The following PTPRT variants were observed in gnomAD, a reference collection of about 807,000 sequenced individuals.
The protein encoded by PTPRT is receptor-type tyrosine-protein phosphatase T.
A neutral mutation model predicts 176.8 loss-of-function variants in PTPRT; 56 were observed. The observed-to-expected ratio is 0.32, with a 90% CI of 0.26 to 0.40. The LOEUF (loss-of-function observed/expected upper bound fraction) is 0.40. Ranked by LOEUF, PTPRT falls within the 10% of genes least tolerant of loss-of-function variation. PTPRT has a pLI of 1.00. For missense variants in PTPRT, 1,540 were observed against 1,908.2 expected, an observed-to-expected ratio of 0.81 and a Z score of 3.60; for synonymous variants, 783 against 739.0, an observed-to-expected ratio of 1.06 and a Z score of -0.96.
At chr20:42,272,059 G>C (rs904440873) in intron 13 of PTPRT, among the ~76,000 whole-genome samples, 1 of 152,110 alleles carries the variant, frequency 6.6e-6, no homozygotes, top group East Asian at 1.9e-4. Context: ...ACTATGACTT[G>C]TAGGCCAAAT....
chr20:42,370,819 T>A (rs2058577001), intron 9 of PTPRT, among the ~76,000 whole-genome samples: 1 of 152,106 alleles, frequency 6.6e-6, no homozygotes, highest in Non-Finnish European at 1.5e-5. Flanking sequence ...TCACACATGG[T>A]CTTGCCCTGG....
At chr20:43,114,495 T>A (rs149933078) in intron 1 of PTPRT, among the ~76,000 whole-genome samples, 2 of 152,350 alleles carry the variant, frequency 1.3e-5, no homozygotes, top group East Asian at 1.9e-4. Context: ...CCTGGAATAA[T>A]GCAGCACCTA....
chr20:42,138,326 C>A (rs973650058), intron 18 of PTPRT, among the ~76,000 whole-genome samples: 54 of 152,314 alleles, frequency 3.5e-4, no homozygotes, highest in African/African-American at 1.3e-3. Flanking sequence ...TCCTCCAGCA[C>A]CCCTTGGTGG....
chr20:42,839,362 G>GA (rs1334284334), intron 2 of PTPRT, among the ~76,000 whole-genome samples: 2 of 150,160 alleles, frequency 1.3e-5, no homozygotes, highest in African/African-American at 2.4e-5. Context: ...AGGCAAATTG[G>GA]AAAAAAAGAA....
chr20:42,370,316 C>T (rs1369591613), intron 9 of PTPRT, among the ~76,000 whole-genome samples: 5 of 152,190 alleles, frequency 3.3e-5, no homozygotes, highest in Non-Finnish European at 7.3e-5. Context: ...CGGCCAGCGA[C>T]AGGAGTCAGT....
chr20:42,055,271 T>A, the PTPRT span, among the ~76,000 whole-genome samples: 1 of 152,254 alleles, frequency 6.6e-6, no homozygotes, highest in Non-Finnish European at 1.5e-5. Flanking sequence ...CCCCAGTTTT[T>A]GTGATACGTT....
At chr20:42,642,818 G>C (rs185910238) in intron 7 of PTPRT, among the ~76,000 whole-genome samples, 2 of 152,272 alleles carry the variant, frequency 1.3e-5, no homozygotes, top group Admixed American at 1.3e-4. Flanking sequence ...TACATTTAGT[G>C]CTCTCCTTGG....
intron 7 of PTPRT, among the ~76,000 whole-genome samples, chr20:42,641,974 C>G (rs1022327634): frequency 1.4e-4 from 22 of 152,166 alleles, no homozygotes; most frequent in African/African-American, 5.3e-4. Context: ...TAACATGGAG[C>G]TGAGATGGGA....
In PTPRT at chr20:42,700,735, ACCAT is replaced by A. The variant is rs1398352808; in HGVS notation, c.860-22580_860-22577del. ...CTTTCTGTGTGGCCTGGGATAAGTC[ACCAT>A]CCCTCTCTGGCTCTCAGAACCCTCA... is the stretch of plus-strand genomic sequence containing the variant. On this transcript the variant is annotated intron_variant, in intron 6 of 30. Transcript: ENST00000373187. Among the ~76,000 whole-genome samples the A allele has an allele frequency of 2.0e-5, 3 of 152,206 alleles. No homozygotes were observed. In the East Asian group the frequency reaches 5.8e-4, roughly 29 times the overall value.
At chr20:42,779,021 A>G (rs1306232740) in intron 4 of PTPRT, among the ~76,000 whole-genome samples, 2 of 152,176 alleles carry the variant, frequency 1.3e-5, no homozygotes, top group South Asian at 4.1e-4. Flanking sequence ...CACAGGATCC[A>G]AACACAATTT....
At position 42,906,024 on chromosome 20, in the gene PTPRT, A is replaced by T. The variant is rs992162923; in HGVS notation, c.89-20092T>A. ...AGGCACATGTATACCTATGTATCGA[A>T]CCTGCACGTTGTGCACATACTTAAA... On this transcript the variant is annotated intron_variant, in intron 1 of 30. Transcript: ENST00000373187. Among the ~76,000 whole-genome samples, 16 of 152,292 alleles carry T rather than the reference A, an allele frequency of 1.1e-4. No homozygotes were observed. In the South Asian group the frequency reaches 2.5e-3, roughly 24 times the overall value.
chr20:42,520,348 A>C (rs923066959), intron 7 of PTPRT, among the ~76,000 whole-genome samples: 16 of 152,148 alleles, frequency 1.1e-4, no homozygotes, highest in Admixed American at 1.0e-3. Flanking sequence ...CCATCATGGA[A>C]TCCCCGTCCC....
chr20:42,227,579 G>A (rs1051978173), intron 15 of PTPRT, among the ~76,000 whole-genome samples: 3 of 149,874 alleles, frequency 2.0e-5, no homozygotes, highest in African/African-American at 7.4e-5. Context: ...CAATTGTAGC[G>A]AATGGGGAAA....
At chr20:42,847,920 T>G (rs145057464) in intron 2 of PTPRT, among the ~76,000 whole-genome samples, 2 of 152,214 alleles carry the variant, frequency 1.3e-5, no homozygotes, top group African/African-American at 2.4e-5. Context: ...TCTGAGAGTT[T>G]GGTGTACCCA....
intron 2 of PTPRT, among the ~76,000 whole-genome samples, chr20:42,847,253 A>G (rs2078389627): frequency 6.6e-6 from 1 of 152,224 alleles, no homozygotes; most frequent in African/African-American, 2.4e-5. Flanking sequence ...CCAGCAGGAG[A>G]GAACAGGGGC....
intron 20 of PTPRT, 112 bp downstream of exon 20, chr20:42,119,823 G>T (rs761156644): frequency 1.1e-6 from 1 of 937,014 alleles, no homozygotes; most frequent in South Asian, 1.9e-5. Flanking sequence ...TGAAAAAGGA[G>T]GGTTGGAGTA....
chr20:43,185,716 C>T (rs755559015), intron 1 of PTPRT, among the ~76,000 whole-genome samples: 6 of 152,090 alleles, frequency 3.9e-5, no homozygotes, highest in Non-Finnish European at 7.4e-5. Context: ...GGCACATCAC[C>T]TGAGGTCAGG....
chr20:42,247,904 T>A (rs951653494), intron 14 of PTPRT, among the ~76,000 whole-genome samples: 1 of 152,226 alleles, frequency 6.6e-6, no homozygotes, highest in African/African-American at 2.4e-5. Flanking sequence ...TCACCCTTTG[T>A]ATTTTCTTCC....
intron 1 of PTPRT, among the ~76,000 whole-genome samples, chr20:43,055,764 T>C (rs1045888156): frequency 3.3e-5 from 5 of 152,214 alleles, no homozygotes; most frequent in African/African-American, 1.2e-4. Context: ...TTTACTGCTT[T>C]CCTGACTAAA....
Sources: allele counts gnomAD v4.1 joint callset (sites outside exome capture counted in the v4.1 genomes callset), GRCh38; gene constraint gnomAD v4.1.1; transcripts MANE v1.5; gene names NCBI Gene and HGNC (gene_info 2026-07-23, HGNC 2026-07-21).